GABBR2: variants seen among roughly 807,000 people sequenced by gnomAD.
GABBR2 encodes gamma-aminobutyric acid type B receptor subunit 2, also known as G-protein coupled receptor 51.
A neutral mutation model predicts 105.6 loss-of-function variants in GABBR2; 23 were observed. That is an observed-to-expected ratio of 0.22 (90% CI 0.16 to 0.31). The LOEUF (loss-of-function observed/expected upper bound fraction) is 0.31, where lower values mean the gene tolerates loss of function less well. GABBR2 is among the 10% of genes least tolerant of loss of function. The probability of loss-of-function intolerance (pLI) is 1.00; values close to 1 mark genes in which losing one functional copy is unlikely to be tolerated. For synonymous variants in GABBR2, 478 were observed against 499.7 expected (o/e 0.96, Z 0.58); for missense variants, 734 against 1,245.5 (o/e 0.59, Z 6.18).
At chr9:98,544,863 C>A (rs1031950791) in intron 2 of GABBR2, among the ~76,000 whole-genome samples, 2 of 152,126 alleles carry the variant, frequency 1.3e-5, no homozygotes, top group African/African-American at 4.8e-5. Context: ...CATTTAGGTC[C>A]CGTAGTGAGT....
At chr9:98,649,389 CTTA>C (rs1830073983) in intron 1 of GABBR2, among the ~76,000 whole-genome samples, 3 of 152,162 alleles carry the variant, frequency 2.0e-5, no homozygotes, top group Non-Finnish European at 4.4e-5. Context: ...AGTTTCGCCC[CTTA>C]CGGCCCCAAA....
intron 2 of GABBR2, among the ~76,000 whole-genome samples, chr9:98,551,883 T>C (rs915974845): frequency 1.3e-5 from 2 of 152,246 alleles, no homozygotes; most frequent in African/African-American, 4.8e-5. Flanking sequence ...AGTGATGGAT[T>C]GGACCAAAGA....
At chr9:98,692,489 C>T (rs1419530346) in intron 1 of GABBR2, among the ~76,000 whole-genome samples, 1 of 152,232 alleles carries the variant, frequency 6.6e-6, no homozygotes, top group African/African-American at 2.4e-5. Flanking sequence ...CCATCTATAA[C>T]CTTCTACTCT....
intron 3 of GABBR2, among the ~76,000 whole-genome samples, chr9:98,497,983 C>T (rs1204689161): frequency 1.3e-5 from 2 of 152,220 alleles, no homozygotes; most frequent in East Asian, 1.9e-4. Context: ...GCAGCCCAAA[C>T]GTTCACTGCT....
chr9:98,663,332 C>T (rs997530244), intron 1 of GABBR2, among the ~76,000 whole-genome samples: 1 of 152,136 alleles, frequency 6.6e-6, no homozygotes, highest in Non-Finnish European at 1.5e-5. Flanking sequence ...TGGCTCTTCT[C>T]TGCAGACCGG....
At chr9:98,651,098 A>T (rs1476656796) in intron 1 of GABBR2, among the ~76,000 whole-genome samples, 1 of 151,744 alleles carries the variant, frequency 6.6e-6, no homozygotes, top group African/African-American at 2.4e-5. Context: ...TATTTTATCA[A>T]GATTATACAC....
At chr9:98,488,351 G>A (rs188240741) in intron 4 of GABBR2, among the ~76,000 whole-genome samples, 14 of 152,262 alleles carry the variant, frequency 9.2e-5, no homozygotes, top group Middle Eastern at 6.8e-3. Flanking sequence ...CTGACTAGTC[G>A]AGTAGCTTTT....
At chr9:98,499,379 G>C (rs1827352908) in intron 3 of GABBR2, among the ~76,000 whole-genome samples, 1 of 152,204 alleles carries the variant, frequency 6.6e-6, no homozygotes, top group Non-Finnish European at 1.5e-5. Context: ...CCCAGTCCTG[G>C]CTGGCTCTTC....
chr9:98,325,299 TTTTTTTTTTTG>T (rs1830902774), intron 13 of GABBR2, among the ~76,000 whole-genome samples: 1 of 140,812 alleles, frequency 7.1e-6, no homozygotes, highest in Non-Finnish European at 1.5e-5. Flanking sequence ...TTTTTTTTTT[TTTTTTTTTTTG>T]AGACAGAGTC....
chr9:98,414,047 C>G (rs1832639966), intron 7 of GABBR2, among the ~76,000 whole-genome samples: 1 of 152,212 alleles, frequency 6.6e-6, no homozygotes, highest in Non-Finnish European at 1.5e-5. Flanking sequence ...CCAGATCAAA[C>G]AGTGAGCAAA....
intron 3 of GABBR2, among the ~76,000 whole-genome samples, chr9:98,497,317 A>C (rs10986426): frequency 0.3 from 45,594 of 152,076 alleles, 7,032 homozygotes; most frequent in Non-Finnish European, 0.33. Context: ...CTGAGTTAGA[A>C]TGTGGGTCAA....
chr9:98,453,838 C>T (rs1470882372), intron 7 of GABBR2, 143 bp downstream of exon 7: 9 of 678,710 alleles, frequency 1.3e-5, no homozygotes, highest in Non-Finnish European at 1.6e-5. Context: ...TCTGAACAGC[C>T]CTGCAATCCT....
chr9:98,389,823 A>C (rs1832146651), intron 9 of GABBR2, among the ~76,000 whole-genome samples: 1 of 152,116 alleles, frequency 6.6e-6, no homozygotes, highest in Admixed American at 6.5e-5. Context: ...CCTCTTTCTT[A>C]GCTGCTATTT....
At chr9:98,586,942 T>C (rs1829086489) in intron 1 of GABBR2, among the ~76,000 whole-genome samples, 1 of 152,222 alleles carries the variant, frequency 6.6e-6, no homozygotes, top group South Asian at 2.1e-4. Flanking sequence ...TGCACACATA[T>C]GAAGAGTTTC....
intron 7 of GABBR2, 29 bp from the exon 8 acceptor site, chr9:98,406,170 A>T (rs775305399): frequency 7.1e-7 from 1 of 1,409,856 alleles, no homozygotes; most frequent in South Asian, 1.3e-5. Context: ...AAATCAAACA[A>T]GAATAAAAGA....
intron 3 of GABBR2, among the ~76,000 whole-genome samples, chr9:98,541,312 C>T (rs186616813): frequency 6.6e-6 from 1 of 152,100 alleles, no homozygotes; most frequent in African/African-American, 2.4e-5. Context: ...ATTCAGGTGG[C>T]TTAGGACAAA....
chr9:98,434,921 G>C (rs1825874528), intron 7 of GABBR2, among the ~76,000 whole-genome samples: 1 of 152,198 alleles, frequency 6.6e-6, no homozygotes, highest in East Asian at 1.9e-4. Context: ...AGGTCACACT[G>C]TTCTGTAGGT....
In GABBR2 at chr9:98,708,640, A is replaced by G. The variant is rs1762573750; in HGVS notation, c.98T>C (p.Leu33Pro). Reference protein sequence around the residue: ...LLLLLLLPLLLPLAPGAWGWA... With the variant: ...LLLLLLLPLLPPLAPGAWGWA... ...GCCCCAGGCCCCGGGCGCCAGAGGC[A>G]GCAGCAGCGGCAGCAGCAGTAGCAG... Residue 33 changes from leucine (L) to proline (P), a missense_variant, in exon 1 of 19, where the codon CTG becomes CCG. Around this residue, in one of 7 missense-constraint regions of GABBR2, gnomAD observed 70 missense variants for 73.4 expected, o/e 0.95. Transcript: ENST00000259455. 9 of 1,250,666 alleles carry G rather than the reference A, an allele frequency of 7.2e-6. No homozygotes were observed. The highest frequency in any genetic ancestry group is 8.0e-6 in the Non-Finnish European group (8 of 1,000,554). The allele number at this position is 1,250,666 out of a possible 1,614,324, so 77.5% of individuals were successfully genotyped here. A position where few individuals can be genotyped will look rare whatever the true frequency, so the allele number is the denominator to read the frequency against.
At chr9:98,427,847 T>C (rs1825725770) in intron 7 of GABBR2, among the ~76,000 whole-genome samples, 1 of 152,056 alleles carries the variant, frequency 6.6e-6, no homozygotes, top group South Asian at 2.1e-4. Context: ...AACTGAGTCC[T>C]GTTGATAGCC....
Sources: gnomAD v4.1 joint callset for allele counts (sites outside exome capture counted in the v4.1 genomes callset) on GRCh38, gnomAD v4.1.1 for gene constraint, gnomAD v4.1.1 regional missense constraint, MANE v1.5 for transcripts, NCBI Gene and HGNC (gene_info 2026-07-23, HGNC 2026-07-21) for gene names.